Variants in SSBP2 observed in about 807,000 individuals in gnomAD.
The protein encoded by SSBP2 is single stranded DNA binding protein 2.
A neutral mutation model predicts 61.8 loss-of-function variants in SSBP2; 17 were observed. The observed-to-expected ratio is 0.28, with a 90% confidence interval of 0.19 to 0.41. The LOEUF (loss-of-function observed/expected upper bound fraction) is 0.41. Among genes scored for constraint, SSBP2 ranks in the 10% least tolerant of loss-of-function variants. The pLI is 1.00. For synonymous variants in SSBP2, 139 were observed against 141.3 expected (o/e 0.98, Z 0.12); for missense variants, 310 against 458.7 (o/e 0.68, Z 2.96).
rs1443250073 is a variant in SSBP2 at position 81,413,155 on chromosome 5, G to A, written c.*7349C>T. The stretch of plus-strand genomic sequence containing the variant: ...AGCTGTATTTTAAAAAATTAAATGT[G>A]AAAACGTGCCAAATTAAGGGTCATT... On this transcript the variant is annotated 3_prime_UTR_variant, in exon 17 of 17. Coordinates refer to ENST00000320672, the MANE Select transcript of SSBP2 (RefSeq NM_012446.5). 1.3e-5 allele frequency: 2 copies of A among 152,194 alleles called. No individual in the cohort carries two copies. The highest frequency in any genetic ancestry group is 2.9e-5 in the Non-Finnish European group (2 of 68,024). The allele number at this position is 152,194 out of a possible 1,614,324, so 9.4% of individuals were successfully genotyped here.
At chr5:81,664,159 A>G (rs1750924962) in intron 1 of SSBP2, among the ~76,000 whole-genome samples, 1 of 138,702 alleles carries the variant, frequency 7.2e-6, no homozygotes, top group Non-Finnish European at 1.5e-5. Context: ...ATCTCACTCT[A>G]TTGCCCAGGC....
chr5:81,643,981 C>G (rs1275097395), intron 2 of SSBP2, among the ~76,000 whole-genome samples: 3 of 152,168 alleles, frequency 2.0e-5, no homozygotes, highest in African/African-American at 7.2e-5. Context: ...TACTTTGAAG[C>G]AGATCATCTA....
At chr5:81,643,424 T>TA (rs1303226822) in intron 2 of SSBP2, among the ~76,000 whole-genome samples, 1 of 152,158 alleles carries the variant, frequency 6.6e-6, no homozygotes, top group Non-Finnish European at 1.5e-5. Context: ...AAATAACCTG[T>TA]ATACCTATGT....
intron 1 of SSBP2, among the ~76,000 whole-genome samples, chr5:81,677,787 C>G (rs1173937696): frequency 2.0e-5 from 3 of 148,186 alleles, no homozygotes; most frequent in Admixed American, 6.8e-5. Context: ...AAGGACATAC[C>G]AATTGCAGCC....
At chr5:81,564,642 A>G (rs1217961006) in intron 4 of SSBP2, among the ~76,000 whole-genome samples, 1 of 152,218 alleles carries the variant, frequency 6.6e-6, no homozygotes, top group Admixed American at 6.5e-5. Flanking sequence ...TCTCATACAG[A>G]CAGTGACTGA....
At position 81,582,883 on chromosome 5, in the gene SSBP2, G is replaced by A. The variant is rs184724938; in HGVS notation, c.282+32590C>T. Among the ~76,000 whole-genome samples the A allele has an allele frequency of 1.4e-4, 22 of 152,136 alleles. No homozygotes were observed. The East Asian group carries it at 2.1e-3, about 15-fold the overall frequency. ...TGCTGGATTACAGGTGTGAGCAACCGCACCTGGCCTTACTGTCTTCTTTTA... is the reference window on the plus strand; with the variant it reads ...TGCTGGATTACAGGTGTGAGCAACCACACCTGGCCTTACTGTCTTCTTTTA... On this transcript the variant is annotated intron_variant, in intron 4 of 16. Transcript: ENST00000320672.
At chr5:81,551,507 C>T (rs1269138129) in intron 4 of SSBP2, among the ~76,000 whole-genome samples, 1 of 152,116 alleles carries the variant, frequency 6.6e-6, no homozygotes, top group Non-Finnish European at 1.5e-5. Context: ...AGTCAGTCTA[C>T]AATCAGTCTT....
At chr5:81,692,380 T>C (rs981717042) in intron 1 of SSBP2, among the ~76,000 whole-genome samples, 11 of 152,136 alleles carry the variant, frequency 7.2e-5, no homozygotes, top group South Asian at 2.1e-4. Flanking sequence ...TGGAAAGATA[T>C]TCCATGTTGA....
At chr5:81,741,887 CATCTA>C (rs1664517207) in intron 1 of SSBP2, among the ~76,000 whole-genome samples, 1 of 152,166 alleles carries the variant, frequency 6.6e-6, no homozygotes, top group Non-Finnish European at 1.5e-5. Flanking sequence ...TTTTAACTAT[CATCTA>C]ATCTATGATT....
intron 4 of SSBP2, among the ~76,000 whole-genome samples, chr5:81,613,596 G>C (rs1321452212): frequency 6.6e-6 from 1 of 152,126 alleles, no homozygotes; most frequent in Non-Finnish European, 1.5e-5. Flanking sequence ...TGCAATTTTG[G>C]AAAAGTATTT....
At chr5:81,677,116 C>T (rs1752043095) in intron 1 of SSBP2, among the ~76,000 whole-genome samples, 1 of 152,084 alleles carries the variant, frequency 6.6e-6, no homozygotes, top group Non-Finnish European at 1.5e-5. Flanking sequence ...CTCTCCTTTT[C>T]CCCCAAATTT....
chr5:81,628,043 T>C (rs1174492118), intron 3 of SSBP2, among the ~76,000 whole-genome samples: 5 of 151,456 alleles, frequency 3.3e-5, no homozygotes, highest in Admixed American at 3.3e-4. Flanking sequence ...CCAGCCTGGG[T>C]GACCCTGTCT....
At chr5:81,682,437 A>G (rs922793456) in intron 1 of SSBP2, among the ~76,000 whole-genome samples, 1 of 152,210 alleles carries the variant, frequency 6.6e-6, no homozygotes, top group Non-Finnish European at 1.5e-5. Flanking sequence ...AAAAATTACA[A>G]TTACATCCAT....
intron 2 of SSBP2, among the ~76,000 whole-genome samples, chr5:81,643,791 C>T (rs1006282645): frequency 1.3e-5 from 2 of 151,654 alleles, no homozygotes; most frequent in South Asian, 2.1e-4. Flanking sequence ...TTAGTAGAGA[C>T]GGGATTTCAC....
intron 1 of SSBP2, among the ~76,000 whole-genome samples, chr5:81,673,572 C>A (rs1169188578): frequency 6.6e-6 from 1 of 152,006 alleles, no homozygotes; most frequent in East Asian, 1.9e-4. Flanking sequence ...GCTAATTTTA[C>A]CTTAAAATGC....
At chr5:81,422,910 C>T (rs145836181) in intron 16 of SSBP2, among the ~76,000 whole-genome samples, 1 of 152,348 alleles carries the variant, frequency 6.6e-6, no homozygotes, top group Non-Finnish European at 1.5e-5. Context: ...TATGTTTACT[C>T]AATTGATTCC....
chr5:81,643,595 C>CTTTTTTTTTT (rs368511957), intron 2 of SSBP2, among the ~76,000 whole-genome samples: 4 of 60,272 alleles, frequency 6.6e-5, no homozygotes, highest in South Asian at 1.5e-3. Flanking sequence ...TTTTTCCTTT[C>CTTTTTTTTTT]TTTTTTTTTT....
intron 1 of SSBP2, among the ~76,000 whole-genome samples, chr5:81,695,084 A>G (rs757371801): frequency 4.6e-5 from 7 of 152,260 alleles, no homozygotes; most frequent in African/African-American, 1.7e-4. Context: ...TCAAAGGAAC[A>G]TATTTTAAAT....
At chr5:81,508,889 CTTTACT>C (rs1294839706) in intron 5 of SSBP2, among the ~76,000 whole-genome samples, 1 of 152,152 alleles carries the variant, frequency 6.6e-6, no homozygotes, top group African/African-American at 2.4e-5. Flanking sequence ...AATTATTCTT[CTTTACT>C]TTTACTTATT....
Sources: gnomAD v4.1 joint callset for allele counts (sites outside exome capture counted in the v4.1 genomes callset) on GRCh38, gnomAD v4.1.1 for gene constraint, MANE v1.5 for transcripts, NCBI Gene and HGNC (gene_info 2026-07-23, HGNC 2026-07-21) for gene names.